Variants in MSH3 observed in about 807,000 individuals in gnomAD.
MSH3 encodes DNA mismatch repair protein Msh3.
A neutral mutation model predicts 123.3 loss-of-function variants in MSH3; 106 were observed. The observed-to-expected ratio is 0.86, with a 90% CI of 0.73 to 1.01. The LOEUF is 1.01. MSH3 is among the 50% of genes least tolerant of loss of function. The pLI is 0.00. For synonymous variants in MSH3, 515 were observed against 481.4 expected (o/e 1.07, Z -0.91); for missense variants, 1,459 against 1,347.6 (o/e 1.08, Z -1.29).
At chr5:80,773,456 G>A (rs1744246495) in intron 15 of MSH3, among the ~76,000 whole-genome samples, 1 of 151,976 alleles carries the variant, frequency 6.6e-6, no homozygotes. Context: ...TATAAATGAG[G>A]GCATCACTAG....
intron 20 of MSH3, among the ~76,000 whole-genome samples, chr5:80,828,289 C>T (rs993497029): frequency 4.7e-4 from 72 of 152,126 alleles, no homozygotes; most frequent in African/African-American, 1.7e-3. Context: ...GTGAAAGTAA[C>T]CCACTCCTAT....
intron 8 of MSH3, among the ~76,000 whole-genome samples, chr5:80,698,875 T>C (rs530669632): frequency 2.5e-3 from 382 of 152,116 alleles, no homozygotes; most frequent in South Asian, 6.7e-3. Flanking sequence ...GGGTGCAGCA[T>C]ACCAACATGG....
intron 8 of MSH3, among the ~76,000 whole-genome samples, chr5:80,692,245 TTTAGA>T (rs1371697741): frequency 2.6e-5 from 2 of 77,714 alleles, no homozygotes; most frequent in African/African-American, 5.2e-5. Flanking sequence ...CATGTATATG[TTTAGA>T]TAGATAGATA....
At chr5:80,691,348 A>T (rs1338254000) in intron 8 of MSH3, among the ~76,000 whole-genome samples, 1 of 151,956 alleles carries the variant, frequency 6.6e-6, no homozygotes, top group Non-Finnish European at 1.5e-5. Flanking sequence ...TAAAATAGCA[A>T]CCACAATAAT....
chr5:80,675,072 G>A lies in MSH3; in HGVS notation c.1117G>A (p.Glu373Lys). 1 of 1,613,642 alleles carries A rather than the reference G, an allele frequency of 6.2e-7. No homozygotes were observed. The highest frequency in any genetic ancestry group is 8.5e-7 in the Non-Finnish European group (1 of 1,179,842). ...TACCAGCTATCTTCTGTGCATCTCT[G>A]AAAATAAGGAAAATGTTAGGGACAA... Reference protein sequence around the residue: ...TSTSYLLCISENKENVRDKKK... With the variant: ...TSTSYLLCISKNKENVRDKKK... Residue 373 changes from glutamate (E) to lysine (K), a missense_variant, in exon 7 of 24, where the codon GAA (glutamate) becomes AAA (lysine). Glu to Lys is a moderately conservative substitution (Grantham distance 56). Coordinates refer to ENST00000265081, the MANE Select transcript of MSH3 (RefSeq NM_002439.5).
At chr5:80,856,678 G>A (rs1010022847) in intron 21 of MSH3, among the ~76,000 whole-genome samples, 1 of 151,950 alleles carries the variant, frequency 6.6e-6, no homozygotes, top group Admixed American at 6.6e-5. Flanking sequence ...TTGTGCACAT[G>A]TACCCTAAAA....
intron 20 of MSH3, among the ~76,000 whole-genome samples, chr5:80,828,733 G>A (rs1045394378): frequency 6.6e-6 from 1 of 152,152 alleles, no homozygotes; most frequent in African/African-American, 2.4e-5. Context: ...GGGGTAACAG[G>A]TCCCAAATAA....
At chr5:80,768,570 T>C (rs6151803) in intron 14 of MSH3, among the ~76,000 whole-genome samples, 1,702 of 152,294 alleles carry the variant, frequency 0.011, 30 homozygotes, top group African/African-American at 0.038. Flanking sequence ...ACGTTTGTCT[T>C]TGTTTTCTGC....
At chr5:80,777,345 G>A (rs1465152200) in intron 16 of MSH3, among the ~76,000 whole-genome samples, 1 of 151,700 alleles carries the variant, frequency 6.6e-6, no homozygotes, top group Non-Finnish European at 1.5e-5. Context: ...GATTCTAGGG[G>A]ATGTTTTCTC....
chr5:80,861,916 G>T (rs76358106), intron 21 of MSH3, among the ~76,000 whole-genome samples: 4,464 of 152,210 alleles, frequency 0.029, 188 homozygotes, highest in African/African-American at 0.097. Flanking sequence ...TGATTTTTCA[G>T]TTGGTTCTAC....
intron 8 of MSH3, among the ~76,000 whole-genome samples, chr5:80,725,221 A>C (rs1283615309): frequency 6.6e-6 from 1 of 151,230 alleles, no homozygotes; most frequent in South Asian, 2.1e-4. Context: ...TCTCAAAAAA[A>C]AAAAAAAAAA....
chr5:80,841,731 T>C (rs543166555), intron 20 of MSH3, among the ~76,000 whole-genome samples: 3 of 152,338 alleles, frequency 2.0e-5, no homozygotes, highest in Non-Finnish European at 2.9e-5. Context: ...TCATATCCTT[T>C]GCCCACTTTT....
chr5:80,830,643 G>A (rs1252582556), intron 20 of MSH3, among the ~76,000 whole-genome samples: 1 of 152,128 alleles, frequency 6.6e-6, no homozygotes, highest in East Asian at 1.9e-4. Flanking sequence ...GCAGTTCTTG[G>A]GACTTTCCCA....
intron 4 of MSH3, 115 bp from the exon 5 acceptor site, chr5:80,672,129 T>G (rs1749737397): frequency 3.9e-6 from 3 of 774,098 alleles, no homozygotes; most frequent in Non-Finnish European, 6.6e-6. Flanking sequence ...CACATTTAGA[T>G]TAAGTGTACA....
At chr5:80,736,733 G>A (rs1415419541) in intron 10 of MSH3, among the ~76,000 whole-genome samples, 2 of 152,136 alleles carry the variant, frequency 1.3e-5, no homozygotes, top group African/African-American at 4.8e-5. Context: ...GAAACCATGG[G>A]TGCTGAGTCT....
intron 19 of MSH3, among the ~76,000 whole-genome samples, chr5:80,806,003 C>T (rs1744883909): frequency 6.6e-6 from 1 of 152,026 alleles, no homozygotes; most frequent in Admixed American, 6.6e-5. Context: ...TATTTCAATC[C>T]CTGAGGTCTT....
chr5:80,672,252 C>A lies in MSH3; in HGVS notation c.801C>A (p.Ala267=). ...CTTTTTTCATTTTTTAGATTGCAGC[C>A]CGAGAGCTCAATATTTATTGCCATT... ...RFFGEDAEIA[A]RELNIYCHLD... The change falls in exon 5 of 24, where the codon GCC becomes GCA. Residue 267 remains alanine (A), a synonymous_variant. Transcript: ENST00000265081. 1 of 1,610,664 alleles carries A rather than the reference C, an allele frequency of 6.2e-7. No homozygotes were observed. Among genetic ancestry groups the A allele is most frequent in the South Asian group, 1.1e-5 (1 of 90,836 alleles).
chr5:80,822,148 A>G (rs1209139798), intron 20 of MSH3, among the ~76,000 whole-genome samples: 1 of 152,200 alleles, frequency 6.6e-6, no homozygotes, highest in Non-Finnish European at 1.5e-5. Flanking sequence ...AAGATTCTGT[A>G]CAAGTTCTCC....
chr5:80,825,840 T>A (rs566866575), intron 20 of MSH3, among the ~76,000 whole-genome samples: 1 of 152,366 alleles, frequency 6.6e-6, no homozygotes, highest in African/African-American at 2.4e-5. Context: ...AATTATTTTT[T>A]TGTTAATGCT....
Sources: allele counts gnomAD v4.1 joint callset (sites outside exome capture counted in the v4.1 genomes callset), GRCh38; gene constraint gnomAD v4.1.1; transcripts MANE v1.5; gene names NCBI Gene and HGNC (gene_info 2026-07-23, HGNC 2026-07-21).